PEX5L: variants seen among roughly 807,000 people sequenced by gnomAD.
The protein encoded by PEX5L is peroxisomal biogenesis factor 5 like.
Under a neutral mutation model 84.0 loss-of-function variants are expected in PEX5L, and 30 were observed. The ratio of observed to expected loss-of-function variants is 0.36; its 90% CI spans 0.27 to 0.48. PEX5L has a LOEUF of 0.48. PEX5L is among the 20% of genes least tolerant of loss of function. PEX5L has a pLI of 0.99. For missense variants in PEX5L, 533 were observed against 754.6 expected, an observed-to-expected ratio of 0.71 and a Z score of 3.44; for synonymous variants, 270 against 283.1, an observed-to-expected ratio of 0.95 and a Z score of 0.46.
rs539882526 is a variant in PEX5L, at chr3:179,799,930, G to A, written c.*1898C>T. ...TGCTACCCATGATGAGTGCCTGAAT[G>A]CCTCTGCCTTCTGCTGACCAGCTGG... On this transcript the variant is annotated 3_prime_UTR_variant, in exon 15 of 15. Transcript: ENST00000467460. 1 of 152,354 alleles carries A rather than the reference G, an allele frequency of 6.6e-6. No individual in the cohort carries two copies. The highest frequency in any genetic ancestry group is 1.9e-4 in the East Asian group (1 of 5,194). 9.4% of individuals were successfully genotyped at this position (152,354 alleles called of 1,614,324 possible).
intron 1 of PEX5L, among the ~76,000 whole-genome samples, chr3:179,994,748 C>G (rs548715253): frequency 1.2e-4 from 18 of 152,214 alleles, no homozygotes; most frequent in African/African-American, 4.3e-4. Context: ...CACTCTTTAT[C>G]TGGGTGGGCA....
chr3:179,997,765 A>C (rs1179520666), intron 1 of PEX5L, among the ~76,000 whole-genome samples: 4 of 152,238 alleles, frequency 2.6e-5, no homozygotes, highest in Non-Finnish European at 4.4e-5. Flanking sequence ...GGAGCAAATT[A>C]ACACATCTCC....
At chr3:179,819,096 T>C (rs564417661) in intron 9 of PEX5L, among the ~76,000 whole-genome samples, 1 of 152,180 alleles carries the variant, frequency 6.6e-6, no homozygotes, top group Non-Finnish European at 1.5e-5. Flanking sequence ...TTGTTTTTTA[T>C]CCATTTGTCT....
At chr3:179,996,318 G>C (rs1435009809) in intron 1 of PEX5L, among the ~76,000 whole-genome samples, 2 of 152,194 alleles carry the variant, frequency 1.3e-5, no homozygotes, top group Admixed American at 6.5e-5. Flanking sequence ...ATGGGGGAAG[G>C]AACATAGAGT....
At chr3:179,940,817 A>G (rs942137969) in intron 2 of PEX5L, among the ~76,000 whole-genome samples, 2 of 152,256 alleles carry the variant, frequency 1.3e-5, no homozygotes, top group African/African-American at 4.8e-5. Context: ...TGAACTTACC[A>G]TTTTAGTCCA....
intron 1 of PEX5L, among the ~76,000 whole-genome samples, chr3:179,996,632 T>A (rs1787913031): frequency 6.6e-6 from 1 of 152,124 alleles, no homozygotes; most frequent in Non-Finnish European, 1.5e-5. Flanking sequence ...TGAAATAGAT[T>A]TGTGAGGGCA....
At chr3:179,934,582 G>T in intron 2 of PEX5L, among the ~76,000 whole-genome samples, 1 of 152,158 alleles carries the variant, frequency 6.6e-6, no homozygotes, top group East Asian at 1.9e-4. Context: ...CCTGGAATTT[G>T]AATTCAGTTA....
intron 2 of PEX5L, among the ~76,000 whole-genome samples, chr3:179,911,502 C>G (rs944433523): frequency 6.6e-6 from 1 of 151,884 alleles, no homozygotes; most frequent in Non-Finnish European, 1.5e-5. Context: ...TGAGGATAAA[C>G]TAGGTAATAT....
chr3:179,813,042 C>A (rs1298611368), intron 10 of PEX5L, among the ~76,000 whole-genome samples: 1 of 152,062 alleles, frequency 6.6e-6, no homozygotes, highest in Non-Finnish European at 1.5e-5. Context: ...ATTATTCCTC[C>A]CTCCAAATAT....
At chr3:180,001,392 G>A (rs1788396223) in intron 1 of PEX5L, among the ~76,000 whole-genome samples, 1 of 147,578 alleles carries the variant, frequency 6.8e-6, no homozygotes, top group South Asian at 2.1e-4. Flanking sequence ...TATCATATTA[G>A]TTCTGTTTCT....
chr3:179,988,178 T>A (rs949878342), intron 1 of PEX5L, among the ~76,000 whole-genome samples: 1 of 152,098 alleles, frequency 6.6e-6, no homozygotes, highest in African/African-American at 2.4e-5. Context: ...GGTGGGTGGA[T>A]CACCTAAGGT....
intron 2 of PEX5L, among the ~76,000 whole-genome samples, chr3:179,907,438 G>A (rs1282751066): frequency 6.6e-6 from 1 of 151,938 alleles, no homozygotes; most frequent in Non-Finnish European, 1.5e-5. Flanking sequence ...TCAGCCTTCT[G>A]AGTAGCTATG....
At chr3:179,935,074 G>A (rs1476907036) in intron 2 of PEX5L, among the ~76,000 whole-genome samples, 3 of 150,746 alleles carry the variant, frequency 2.0e-5, no homozygotes, top group African/African-American at 4.9e-5. Flanking sequence ...AAAAAAAAAA[G>A]AGTTGCATGC....
chr3:179,874,375 G>C lies in PEX5L; in HGVS notation c.678C>G (p.Ala226=). 1 of 1,612,956 alleles carries C rather than the reference G, an allele frequency of 6.2e-7. No individual in the cohort carries two copies. The highest frequency in any genetic ancestry group is 8.5e-7 in the Non-Finnish European group (1 of 1,179,322). Residue 226 remains alanine, a synonymous_variant, in exon 7 of 15, where the codon GCC becomes GCG. Transcript: ENST00000467460. ...ATTCTGAAGCCGACTCAGAGTTGAGGGCGCTTTTTCCACCACTCAGTTCTG... is the reference window on the plus strand; with the variant it reads ...ATTCTGAAGCCGACTCAGAGTTGAGCGCGCTTTTTCCACCACTCAGTTCTG... ...SQPELSGGKS[A]LNSESASELE...
chr3:179,838,558 G>T lies in PEX5L; in HGVS notation c.823-18582C>A, dbSNP rs151193299. Among the ~76,000 whole-genome samples the T allele has an allele frequency of 7.2e-4, 109 of 152,208 alleles. 1 individual carries two copies. The highest frequency in any genetic ancestry group is 2.6e-3 in the African/African-American group (106 of 41,536). On this transcript the variant is annotated intron_variant, in intron 8 of 14. Coordinates refer to ENST00000467460, the MANE Select transcript of PEX5L (RefSeq NM_016559.3). ...TAAACCTATGTCTTTTATTAGGCCT[G>T]GGAAATTTTACATTGTTATGTACAA... is the stretch of plus-strand genomic sequence containing the variant.
chr3:180,020,208 T>C (rs1475487173), intron 1 of PEX5L, among the ~76,000 whole-genome samples: 1 of 152,214 alleles, frequency 6.6e-6, no homozygotes, highest in African/African-American at 2.4e-5. Flanking sequence ...TATCATTTCA[T>C]ATAATGAGCA....
At chr3:179,833,034 T>G (rs966927746) in intron 8 of PEX5L, among the ~76,000 whole-genome samples, 4 of 152,246 alleles carry the variant, frequency 2.6e-5, no homozygotes. Flanking sequence ...TTTCTTTTCT[T>G]GCTTATTGTC....
chr3:179,999,635 T>G (rs574565618), intron 1 of PEX5L, among the ~76,000 whole-genome samples: 6 of 152,340 alleles, frequency 3.9e-5, no homozygotes, highest in East Asian at 1.9e-4. Flanking sequence ...GAATAGACAC[T>G]TACTCTGGAT....
At chr3:179,843,086 G>GA (rs1055033349) in intron 8 of PEX5L, among the ~76,000 whole-genome samples, 1 of 151,860 alleles carries the variant, frequency 6.6e-6, no homozygotes, top group Non-Finnish European at 1.5e-5. Context: ...GCAAGACATC[G>GA]AAATAGGTTA....
Sources: gnomAD v4.1 joint callset for allele counts (sites outside exome capture counted in the v4.1 genomes callset) on GRCh38, gnomAD v4.1.1 for gene constraint, MANE v1.5 for transcripts, NCBI Gene and HGNC (gene_info 2026-07-23, HGNC 2026-07-21) for gene names.